Variants in USH2A observed in about 807,000 individuals in gnomAD.
USH2A encodes usherin.
A neutral mutation model predicts 538.9 loss-of-function variants in USH2A; 443 were observed. The ratio of observed to expected loss-of-function variants is 0.82; its 90% CI spans 0.76 to 0.89. The LOEUF (loss-of-function observed/expected upper bound fraction) is 0.89, where lower values mean the gene tolerates loss of function less well. Ranked by LOEUF, USH2A falls within the 40% of genes least tolerant of loss-of-function variation. USH2A has a pLI of 0.00. For missense variants in USH2A, 6,633 were observed against 6,324.8 expected (o/e 1.05, Z -1.65); for synonymous variants, 2,413 against 2,273.5 (o/e 1.06, Z -1.75).
intron 61 of USH2A, among the ~76,000 whole-genome samples, chr1:215,727,019 T>C (rs1018315462): frequency 2.0e-5 from 3 of 152,116 alleles, no homozygotes; most frequent in Admixed American, 1.3e-4. Context: ...CCATAGACCA[T>C]GAGGTTATGC....
At chr1:216,240,642 G>A (rs1011416347) in intron 13 of USH2A, among the ~76,000 whole-genome samples, 3 of 151,610 alleles carry the variant, frequency 2.0e-5, no homozygotes, top group Non-Finnish European at 2.9e-5. Context: ...ATTTCAAATC[G>A]TTCTTTATGT....
intron 61 of USH2A, among the ~76,000 whole-genome samples, chr1:215,718,626 T>A (rs530845855): frequency 6.6e-6 from 1 of 152,348 alleles, no homozygotes; most frequent in South Asian, 2.1e-4. Context: ...AGCTGCTGAA[T>A]TTCACTTTTA....
intron 11 of USH2A, among the ~76,000 whole-genome samples, chr1:216,282,944 T>G (rs2036810212): frequency 6.6e-6 from 1 of 152,212 alleles, no homozygotes. Context: ...TAAATGTTTT[T>G]CTAAATATTT....
rs200081694 is a variant in USH2A, at chr1:215,925,673, CTATTGCTTA to C, written c.7300+8934_7300+8942del. ...GAATAAGGGAATATACCATCTTAGC[CTATTGCTTA>C]TTTCAGCTGCTAACCTACGTTTATT... On this transcript the variant is annotated intron_variant, in intron 38 of 71. Coordinates refer to ENST00000307340, the MANE Select transcript of USH2A (RefSeq NM_206933.4). Among the ~76,000 whole-genome samples, 1,449 of 152,272 alleles carry C rather than the reference CTATTGCTTA, an allele frequency of 9.5e-3. 11 individuals carry two copies. Among genetic ancestry groups the C allele is most frequent in the South Asian group, 0.013 (61 of 4,818 alleles).
At chr1:215,680,677 AC>A (rs2102672259) in intron 61 of USH2A, among the ~76,000 whole-genome samples, 1 of 152,166 alleles carries the variant, frequency 6.6e-6, no homozygotes, top group East Asian at 1.9e-4. Flanking sequence ...AAAAAAAAAA[AC>A]AAAACATGAT....
rs568538407 is a variant in USH2A at position 216,108,818 on chromosome 1, T to C, written c.4628-11605A>G. On this transcript the variant is annotated intron_variant, in intron 21 of 71. Transcript: ENST00000307340. ...ATTTTATTTCTTCTTAGAGCTATCA[T>C]TTATCTCTTAAAATATTTTATCTTT... 3.3e-5 allele frequency among the ~76,000 whole-genome samples: 5 copies of C among 152,288 alleles called. No individual in the cohort carries two copies. The East Asian group carries it at 7.7e-4, about 24-fold the overall frequency.
chr1:216,120,370 A>G (rs2033106390), intron 21 of USH2A, among the ~76,000 whole-genome samples: 2 of 127,638 alleles, frequency 1.6e-5, no homozygotes, highest in South Asian at 6.2e-4. Context: ...CCCCGTCTGT[A>G]TTATTTATGT....
intron 58 of USH2A, among the ~76,000 whole-genome samples, chr1:215,747,944 T>G (rs1339464398): frequency 6.6e-6 from 1 of 151,048 alleles, no homozygotes; most frequent in East Asian, 2.0e-4. Flanking sequence ...GACTGCGGAC[T>G]GCAGTGGCGC....
At chr1:216,295,540 C>T (rs1186221192) in intron 9 of USH2A, among the ~76,000 whole-genome samples, 2 of 151,878 alleles carry the variant, frequency 1.3e-5, no homozygotes, top group Admixed American at 6.6e-5. Context: ...TTTGCATACA[C>T]ACTGAAACCA....
At chr1:215,951,813 CTTCT>C (rs759702338) in intron 37 of USH2A, among the ~76,000 whole-genome samples, 2 of 151,852 alleles carry the variant, frequency 1.3e-5, no homozygotes, top group African/African-American at 2.4e-5. Context: ...CTGTAATGGC[CTTCT>C]TTGTCTCTTT....
intron 37 of USH2A, among the ~76,000 whole-genome samples, chr1:215,962,103 TAC>T (rs1667217088): frequency 5.3e-5 from 8 of 152,036 alleles, no homozygotes; most frequent in Admixed American, 5.2e-4. Flanking sequence ...CTACTCAAGA[TAC>T]TGTGAAATAG....
At chr1:216,370,844 C>T (rs1256688096) in intron 3 of USH2A, among the ~76,000 whole-genome samples, 3 of 152,008 alleles carry the variant, frequency 2.0e-5, no homozygotes, top group African/African-American at 7.2e-5. Flanking sequence ...TCTTCTATAC[C>T]TCTACCCAGT....
chr1:216,318,468 T>C (rs755903309), intron 9 of USH2A, among the ~76,000 whole-genome samples: 1 of 152,214 alleles, frequency 6.6e-6, no homozygotes, highest in Non-Finnish European at 1.5e-5. Flanking sequence ...AAGGAGAATG[T>C]CATGCCTATG....
intron 15 of USH2A, among the ~76,000 whole-genome samples, chr1:216,209,143 C>T (rs1455122767): frequency 6.6e-6 from 1 of 152,200 alleles, no homozygotes; most frequent in Admixed American, 6.5e-5. Flanking sequence ...TATGTTAACT[C>T]TTCTCTGCAC....
chr1:215,875,292 T>C (rs1664734751), intron 43 of USH2A, among the ~76,000 whole-genome samples: 1 of 152,152 alleles, frequency 6.6e-6, no homozygotes, highest in Non-Finnish European at 1.5e-5. Context: ...AAATGCTTTT[T>C]TTTTTTCTAC....
At chr1:216,173,945 C>A (rs58572441) in intron 21 of USH2A, 2 of 979,714 alleles carry the variant, frequency 2.0e-6, no homozygotes, top group Non-Finnish European at 2.4e-6. Flanking sequence ...TTTTTCTTTT[C>A]TTTTTTGCCA....
chr1:215,844,163 T>G (rs879646638), intron 46 of USH2A, 131 bp downstream of exon 46: 20 of 948,710 alleles, frequency 2.1e-5, no homozygotes, highest in Non-Finnish European at 3.2e-5. Flanking sequence ...TCAATTTCCC[T>G]TCTCTCTTTT....
In USH2A at chr1:216,216,423, A is replaced by G. The variant is rs367684891; in HGVS notation, c.3157+964T>C. On this transcript the variant is annotated intron_variant, in intron 15 of 71. Transcript: ENST00000307340. ...TTGTTGTGGAGTCCAATATCCCATT[A>G]CTTATCTTTCTCCCTCCCCCCTTAA... Among the ~76,000 whole-genome samples, 15 of 152,154 alleles carry G rather than the reference A, an allele frequency of 9.9e-5. 1 individual carries two copies. The highest frequency in any genetic ancestry group is 3.9e-4 in the Admixed American group (6 of 15,268).
chr1:215,633,055 A>G (rs1328951749), intron 70 of USH2A, among the ~76,000 whole-genome samples: 1 of 152,124 alleles, frequency 6.6e-6, no homozygotes, highest in Non-Finnish European at 1.5e-5. Flanking sequence ...AACATATCTG[A>G]CTTAGTGTTA....
Sources: allele counts gnomAD v4.1 joint callset (sites outside exome capture counted in the v4.1 genomes callset), GRCh38; gene constraint gnomAD v4.1.1; transcripts MANE v1.5; gene names NCBI Gene and HGNC (gene_info 2026-07-23, HGNC 2026-07-21).